Variants in RCAN2 observed in about 807,000 individuals in gnomAD.
RCAN2 encodes regulator of calcineurin 2, also known as calcipressin-2.
A neutral mutation model predicts 23.6 loss-of-function variants in RCAN2; 9 were observed. That is an observed-to-expected ratio of 0.38 (90% CI 0.23 to 0.67). The LOEUF is 0.67. Among genes scored for constraint, RCAN2 ranks in the 30% least tolerant of loss-of-function variants. RCAN2 has a pLI of 0.51. For missense variants in RCAN2, 273 were observed against 302.3 expected (o/e 0.90, Z 0.72); for synonymous variants, 109 against 115.7 (o/e 0.94, Z 0.37).
At chr6:46,227,167 T>G (rs1217955317) in intron 4 of RCAN2, among the ~76,000 whole-genome samples, 1 of 152,212 alleles carries the variant, frequency 6.6e-6, no homozygotes, top group Non-Finnish European at 1.5e-5. Flanking sequence ...AGCTTTTTGA[T>G]GTGCTGCTGG....
chr6:46,363,595 CTTAA>C (rs1437926586), intron 2 of RCAN2, among the ~76,000 whole-genome samples: 1 of 151,642 alleles, frequency 6.6e-6, no homozygotes, highest in Non-Finnish European at 1.5e-5. Context: ...ATAACCTGTT[CTTAA>C]TTATGAAAGC....
intron 2 of RCAN2, among the ~76,000 whole-genome samples, chr6:46,252,833 T>C (rs1766779071): frequency 6.6e-6 from 1 of 152,194 alleles, no homozygotes; most frequent in African/African-American, 2.4e-5. Context: ...AAAACTGGCC[T>C]CATCCAAATA....
chr6:46,249,032 T>C (rs1766618251), intron 2 of RCAN2, 136 bp from the exon 3 acceptor site: 2 of 587,536 alleles, frequency 3.4e-6, no homozygotes, highest in Admixed American at 7.1e-5. Context: ...CAGTAATGTA[T>C]TTTTTTCATC....
intron 2 of RCAN2, among the ~76,000 whole-genome samples, chr6:46,300,869 T>C (rs1167293951): frequency 1.3e-5 from 2 of 151,908 alleles, no homozygotes; most frequent in Non-Finnish European, 2.9e-5. Context: ...CAGCAAAGAC[T>C]AAGCCTTAAT....
chr6:46,220,989 T>C lies in RCAN2; in HGVS notation c.*2152A>G, dbSNP rs1407251295. On this transcript the variant is annotated 3_prime_UTR_variant, in exon 5 of 5. Transcript: ENST00000371374. Reference sequence around the variant, plus strand: ...TCGTTCTCCTAGGAAAAGCCCCTCTTTTCCCCCCTCCCCAAACCCAACCTA... The same window carrying C: ...TCGTTCTCCTAGGAAAAGCCCCTCTCTTCCCCCCTCCCCAAACCCAACCTA... 6.6e-6 allele frequency: 1 copy of C among 152,486 alleles called. No homozygotes were observed. Among genetic ancestry groups the C allele is most frequent in the Admixed American group, 6.6e-5 (1 of 15,256 alleles). 9.4% of individuals were successfully genotyped at this position (152,486 alleles called of 1,614,324 possible).
At chr6:46,393,521 T>C (rs1295492054) in intron 2 of RCAN2, among the ~76,000 whole-genome samples, 1 of 152,236 alleles carries the variant, frequency 6.6e-6, no homozygotes, top group Non-Finnish European at 1.5e-5. Context: ...TGGATAATGA[T>C]GTCAGTACAT....
intron 2 of RCAN2, among the ~76,000 whole-genome samples, chr6:46,283,153 T>C (rs1473933931): frequency 3.3e-5 from 5 of 152,068 alleles, no homozygotes; most frequent in Admixed American, 3.3e-4. Context: ...TATTTACCAA[T>C]ATAAACATAT....
At chr6:46,332,872 A>G (rs1240719520) in intron 2 of RCAN2, among the ~76,000 whole-genome samples, 1 of 152,226 alleles carries the variant, frequency 6.6e-6, no homozygotes, top group African/African-American at 2.4e-5. Flanking sequence ...TAGATCCCTG[A>G]GGAATTGCCA....
intron 2 of RCAN2, among the ~76,000 whole-genome samples, chr6:46,388,253 AAATAATAAT>A (rs574565168): frequency 1.3e-5 from 2 of 151,394 alleles, no homozygotes; most frequent in African/African-American, 4.8e-5. Context: ...GAAGTATAAT[AAATAATAAT>A]AATAATAATA....
intron 2 of RCAN2, among the ~76,000 whole-genome samples, chr6:46,250,960 C>T (rs915730119): frequency 2.0e-5 from 3 of 152,098 alleles, no homozygotes; most frequent in Admixed American, 1.3e-4. Flanking sequence ...GGCTGCAGTT[C>T]CCCCTCCTAT....
rs1378966990 is a variant in RCAN2 at position 46,222,058 on chromosome 6, C to CA, written c.*1082_*1083insT. 2.5e-6 allele frequency: 1 copy of CA among 398,220 alleles called. No individual in the cohort carries two copies. The highest frequency in any genetic ancestry group is 4.4e-6 in the Non-Finnish European group (1 of 225,808). The allele number at this position is 398,220 out of a possible 1,614,324, so 24.7% of individuals were successfully genotyped here. On this transcript the variant is annotated 3_prime_UTR_variant, in exon 5 of 5. Coordinates refer to ENST00000371374, the MANE Select transcript of RCAN2 (RefSeq NM_001251974.2). ...AATAATCTACAACTGACACTTGCAT[C>CA]TTTATTTAAAAACAAGTGGTCTTGA...
intron 2 of RCAN2, among the ~76,000 whole-genome samples, chr6:46,379,552 C>T (rs962880798): frequency 6.6e-6 from 1 of 152,096 alleles, no homozygotes; most frequent in East Asian, 1.9e-4. Flanking sequence ...GTTAGTGTTT[C>T]CTGATGAATA....
chr6:46,235,466 T>C (rs970066359), intron 4 of RCAN2, among the ~76,000 whole-genome samples: 1 of 152,182 alleles, frequency 6.6e-6, no homozygotes, highest in Non-Finnish European at 1.5e-5. Context: ...GTTCCTGCCC[T>C]ATGAGGAGCT....
intron 2 of RCAN2, among the ~76,000 whole-genome samples, chr6:46,435,325 C>T (rs528412583): frequency 3.9e-5 from 6 of 152,180 alleles, no homozygotes; most frequent in Non-Finnish European, 7.3e-5. Context: ...TTCCAGAGAA[C>T]TGTCACTTTT....
intron 1 of RCAN2, among the ~76,000 whole-genome samples, chr6:46,481,900 G>A (rs975868760): frequency 1.3e-5 from 2 of 152,128 alleles, no homozygotes; most frequent in Non-Finnish European, 2.9e-5. Flanking sequence ...CTAGGATAAA[G>A]AAAGAGGTAT....
At chr6:46,239,441 C>T (rs559066150) in intron 4 of RCAN2, among the ~76,000 whole-genome samples, 8 of 152,312 alleles carry the variant, frequency 5.3e-5, no homozygotes, top group African/African-American at 1.9e-4. Context: ...CAATCCAGGT[C>T]TGCTGAGCGA....
At chr6:46,435,625 A>G (rs904630555) in intron 2 of RCAN2, among the ~76,000 whole-genome samples, 2 of 152,236 alleles carry the variant, frequency 1.3e-5, no homozygotes, top group African/African-American at 4.8e-5. Context: ...TGTATCTTCT[A>G]TTCAGTAGAC....
At chr6:46,296,089 G>GTC (rs927265854) in intron 2 of RCAN2, among the ~76,000 whole-genome samples, 4 of 150,554 alleles carry the variant, frequency 2.7e-5, no homozygotes, top group Non-Finnish European at 5.9e-5. Context: ...GTGTGTGTGT[G>GTC]TGTGTGTGTG....
chr6:46,352,233 C>T (rs1212423045), intron 2 of RCAN2, among the ~76,000 whole-genome samples: 1 of 152,108 alleles, frequency 6.6e-6, no homozygotes, highest in East Asian at 1.9e-4. Context: ...TTGTCTTAAT[C>T]CAGTTGATCT....
Sources: allele counts gnomAD v4.1 joint callset (sites outside exome capture counted in the v4.1 genomes callset), GRCh38; gene constraint gnomAD v4.1.1; transcripts MANE v1.5; gene names NCBI Gene and HGNC (gene_info 2026-07-23, HGNC 2026-07-21).